The following EPC1 variants were observed in gnomAD, a reference collection of about 807,000 sequenced individuals.
EPC1 encodes the protein enhancer of polycomb 1, also known as enhancer of polycomb homolog 1.
Under a neutral mutation model 98.4 loss-of-function variants are expected in EPC1, and 12 were observed. The ratio of observed to expected loss-of-function variants is 0.12; its 90% CI spans 0.08 to 0.20. The LOEUF (loss-of-function observed/expected upper bound fraction) is 0.20. Among genes scored for constraint, EPC1 ranks in the 10% least tolerant of loss-of-function variants. EPC1 has a pLI of 1.00. For synonymous variants in EPC1, 357 were observed against 363.9 expected (o/e 0.98, Z 0.21); for missense variants, 729 against 990.5 (o/e 0.74, Z 3.54).
intron 1 of EPC1, among the ~76,000 whole-genome samples, chr10:32,323,968 C>T (rs769139351): frequency 6.6e-6 from 1 of 152,048 alleles, no homozygotes; most frequent in Non-Finnish European, 1.5e-5. Context: ...CAGAGTCTCG[C>T]TCTGTCGCCC....
chr10:32,275,688 T>C (rs571006914), intron 10 of EPC1, among the ~76,000 whole-genome samples: 1 of 150,688 alleles, frequency 6.6e-6, no homozygotes, highest in African/African-American at 2.4e-5. Flanking sequence ...GGCAGGAGAA[T>C]GGTGTGAACC....
At chr10:32,322,179 T>C (rs1836966876) in intron 1 of EPC1, among the ~76,000 whole-genome samples, 1 of 151,282 alleles carries the variant, frequency 6.6e-6, no homozygotes, top group Non-Finnish European at 1.5e-5. Flanking sequence ...GCCTTACATG[T>C]ATCGCAGTTC....
intron 1 of EPC1, among the ~76,000 whole-genome samples, chr10:32,370,612 G>C (rs1367853350): frequency 6.6e-6 from 1 of 152,128 alleles, no homozygotes; most frequent in African/African-American, 2.4e-5. Context: ...CTCATGATCT[G>C]AAGGACCCAG....
chr10:32,319,407 T>C (rs1836747914), intron 1 of EPC1, among the ~76,000 whole-genome samples: 1 of 152,198 alleles, frequency 6.6e-6, no homozygotes, highest in Admixed American at 6.5e-5. Context: ...AAGGGAAATA[T>C]AGTAACTATA....
At chr10:32,272,796 T>C (rs889729554) in intron 11 of EPC1, among the ~76,000 whole-genome samples, 4 of 152,224 alleles carry the variant, frequency 2.6e-5, no homozygotes, top group African/African-American at 9.6e-5. Context: ...TTAAAAGTTA[T>C]CTCTTTCAAC....
At chr10:32,290,533 C>T (rs1836952831) in intron 6 of EPC1, among the ~76,000 whole-genome samples, 1 of 111,722 alleles carries the variant, frequency 9.0e-6, no homozygotes, top group Non-Finnish European at 1.9e-5. Flanking sequence ...CTCATCTGAT[C>T]AGGGAGGATT....
In EPC1 at chr10:32,344,562, G is replaced by C. The variant is rs558629459; in HGVS notation, c.153+2201C>G. Among the ~76,000 whole-genome samples, 9 of 150,192 alleles carry C rather than the reference G, an allele frequency of 6.0e-5. No individual in the cohort carries two copies. The South Asian group carries it at 1.9e-3, about 32-fold the overall frequency. On this transcript the variant is annotated intron_variant, in intron 1 of 13. Coordinates refer to ENST00000319778, the MANE Select transcript of EPC1 (RefSeq NM_001272004.3). ...GCACTTTGGGAGGTCGAGGCGGGCGGATCACCTGAGGTCAGGAGTTCAAAA... is the reference window on the plus strand; with the variant it reads ...GCACTTTGGGAGGTCGAGGCGGGCGCATCACCTGAGGTCAGGAGTTCAAAA...
chr10:32,278,372 TTTTTTTTTTTTTG>T (rs1234238404), intron 10 of EPC1, among the ~76,000 whole-genome samples: 334 of 8,558 alleles, frequency 0.039, 5 homozygotes, highest in South Asian at 0.14. Context: ...TTTTTTTTTG[TTTTTTTTTTTTTG>T]TTTTTTTTTT....
intron 9 of EPC1, chr10:32,286,023 A>T (rs1836662446): frequency 6.6e-6 from 1 of 152,226 alleles, no homozygotes; most frequent in African/African-American, 2.4e-5. Context: ...ATATATGTAT[A>T]AGCCATTAGT....
At chr10:32,287,934 C>T (rs545937655) in intron 6 of EPC1, among the ~76,000 whole-genome samples, 20 of 152,208 alleles carry the variant, frequency 1.3e-4, no homozygotes, top group African/African-American at 4.8e-4. Context: ...TGATGGAACA[C>T]AGCATGTTCG....
chr10:32,327,185 T>G (rs1837346450), intron 1 of EPC1, among the ~76,000 whole-genome samples: 1 of 151,940 alleles, frequency 6.6e-6, no homozygotes, highest in African/African-American at 2.4e-5. Context: ...TAAAGTGAGA[T>G]AAACCAGACA....
intron 1 of EPC1, among the ~76,000 whole-genome samples, chr10:32,340,090 T>A (rs1365425821): frequency 1.3e-5 from 2 of 152,270 alleles, no homozygotes; most frequent in African/African-American, 4.8e-5. Context: ...CAGTACTTGC[T>A]ATACTGAGGG....
chr10:32,289,611 G>A (rs556298614), intron 6 of EPC1, among the ~76,000 whole-genome samples: 17 of 151,698 alleles, frequency 1.1e-4, no homozygotes, highest in African/African-American at 4.1e-4. Context: ...TATGGTAGAT[G>A]CAAAGTTTCA....
intron 1 of EPC1, among the ~76,000 whole-genome samples, chr10:32,356,994 T>A (rs994973185): frequency 3.3e-5 from 5 of 151,926 alleles, no homozygotes; most frequent in African/African-American, 9.7e-5. Flanking sequence ...AAAATAAAAA[T>A]AAAAAAATTT....
At chr10:32,311,751 A>G (rs1003034575) in intron 1 of EPC1, among the ~76,000 whole-genome samples, 3 of 152,182 alleles carry the variant, frequency 2.0e-5, no homozygotes, top group Non-Finnish European at 2.9e-5. Context: ...ATTAGGCACA[A>G]TAAGTAACAA....
At chr10:32,353,764 G>T (rs149199259) in intron 1 of EPC1, among the ~76,000 whole-genome samples, 1 of 152,304 alleles carries the variant, frequency 6.6e-6, no homozygotes, top group East Asian at 1.9e-4. Context: ...GTGATGTAGT[G>T]CAATAATTTA....
At chr10:32,299,465 C>T (rs796611327) in intron 2 of EPC1, among the ~76,000 whole-genome samples, 2 of 152,194 alleles carry the variant, frequency 1.3e-5, no homozygotes, top group African/African-American at 4.8e-5. Flanking sequence ...GGATTACAGG[C>T]GTGAGTCCCC....
At chr10:32,314,355 C>T (rs1836430120) in intron 1 of EPC1, among the ~76,000 whole-genome samples, 1 of 152,150 alleles carries the variant, frequency 6.6e-6, no homozygotes, top group Non-Finnish European at 1.5e-5. Flanking sequence ...ACTTTCATGT[C>T]ATGAGCTTTG....
intron 1 of EPC1, among the ~76,000 whole-genome samples, chr10:32,367,058 C>T (rs1033350782): frequency 2.2e-4 from 34 of 152,208 alleles, no homozygotes; most frequent in Admixed American, 2.2e-3. Context: ...TGCAGTGGCA[C>T]AATCTTGGCT....
Sources: gnomAD v4.1 joint callset for allele counts (sites outside exome capture counted in the v4.1 genomes callset) on GRCh38, gnomAD v4.1.1 for gene constraint, MANE v1.5 for transcripts, NCBI Gene and HGNC (gene_info 2026-07-23, HGNC 2026-07-21) for gene names.